The following PTPRD variants were observed in gnomAD, a reference collection of about 807,000 sequenced individuals.
PTPRD encodes the protein protein tyrosine phosphatase receptor type D, also known as receptor-type tyrosine-protein phosphatase delta.
Under a neutral mutation model 214.5 loss-of-function variants are expected in PTPRD, and 34 were observed. The ratio of observed to expected loss-of-function variants is 0.16; its 90% CI spans 0.12 to 0.21. The LOEUF is 0.21. PTPRD is among the 10% of genes least tolerant of loss of function. PTPRD has a pLI of 1.00. For missense variants in PTPRD, 2,545 were observed against 2,398.7 expected (o/e 1.06, Z -1.27); for synonymous variants, 1,128 against 845.7 (o/e 1.33, Z -5.79).
intron 2 of PTPRD, among the ~76,000 whole-genome samples, chr9:10,571,094 G>A (rs1016327637): frequency 9.2e-5 from 14 of 151,924 alleles, no homozygotes; most frequent in Admixed American, 2.0e-4. Flanking sequence ...TTTAAAATAT[G>A]AATGGCATTA....
In PTPRD at chr9:9,754,504, G is replaced by C. The variant is rs1041251238; in HGVS notation, c.-326+12306C>G. Among the ~76,000 whole-genome samples, 5 of 152,110 alleles carry C rather than the reference G, an allele frequency of 3.3e-5. No individual in the cohort carries two copies. The South Asian group carries it at 6.2e-4, about 19-fold the overall frequency. ...ATGGTGATAAATAATAGCAGTTCTTGACGGCTTCACAAGAATATTTGGCAA... is the reference window on the plus strand; with the variant it reads ...ATGGTGATAAATAATAGCAGTTCTTCACGGCTTCACAAGAATATTTGGCAA... On this transcript the variant is annotated intron_variant, in intron 6 of 45. Transcript: ENST00000381196.
intron 9 of PTPRD, among the ~76,000 whole-genome samples, chr9:9,239,216 A>G (rs1467048362): frequency 6.6e-6 from 1 of 151,844 alleles, no homozygotes; most frequent in Admixed American, 6.6e-5. Flanking sequence ...AAAAAACCAC[A>G]AGTATTCTGT....
rs370850872 is a variant in PTPRD, at chr9:8,951,882, G to C, written c.-104+66815C>G. 1.0e-3 allele frequency among the ~76,000 whole-genome samples: 153 copies of C among 152,076 alleles called. 1 individual carries two copies. The highest frequency in any genetic ancestry group is 3.4e-3 in the Middle Eastern group (1 of 294). On this transcript the variant is annotated intron_variant, in intron 11 of 45. Coordinates refer to ENST00000381196, the MANE Select transcript of PTPRD (RefSeq NM_002839.4). Reference sequence around the variant, plus strand: ...ATTTTCTCCTGCTCAAAATTCTCCAGTGCGTTTCTAAACCACACTTGAAAT... The same window carrying C: ...ATTTTCTCCTGCTCAAAATTCTCCACTGCGTTTCTAAACCACACTTGAAAT...
intron 8 of PTPRD, among the ~76,000 whole-genome samples, chr9:9,478,833 G>C (rs543946226): frequency 6.6e-6 from 1 of 152,142 alleles, no homozygotes; most frequent in African/African-American, 2.4e-5. Flanking sequence ...TGCTCTGTTG[G>C]AGGTAGTTCA....
At chr9:8,920,962 C>T (rs1030833979) in intron 11 of PTPRD, among the ~76,000 whole-genome samples, 12 of 152,088 alleles carry the variant, frequency 7.9e-5, no homozygotes, top group African/African-American at 1.9e-4. Flanking sequence ...TACAGACGCA[C>T]GCCCCCACGC....
At chr9:8,558,199 C>A (rs1024903097) in intron 14 of PTPRD, among the ~76,000 whole-genome samples, 5 of 152,182 alleles carry the variant, frequency 3.3e-5, no homozygotes, top group African/African-American at 9.7e-5. Flanking sequence ...TCAAGGATTT[C>A]CTCCAGGATC....
At chr9:8,737,024 T>TATC (rs1354171531) in intron 11 of PTPRD, among the ~76,000 whole-genome samples, 1 of 152,178 alleles carries the variant, frequency 6.6e-6, no homozygotes, top group Non-Finnish European at 1.5e-5. Flanking sequence ...TGTGCAAGCG[T>TATC]ATCAGAGCCA....
At chr9:8,786,633 T>C (rs2095988228) in intron 11 of PTPRD, among the ~76,000 whole-genome samples, 1 of 151,490 alleles carries the variant, frequency 6.6e-6, no homozygotes, top group Non-Finnish European at 1.5e-5. Context: ...GAGGCTGGTC[T>C]GGAACTCCTA....
At chr9:9,892,011 A>G (rs148191942) in intron 5 of PTPRD, among the ~76,000 whole-genome samples, 10 of 152,254 alleles carry the variant, frequency 6.6e-5, no homozygotes, top group African/African-American at 2.2e-4. Context: ...TTTATCAGAT[A>G]AAATAAGTTG....
At chr9:9,309,279 T>C (rs1958140885) in intron 9 of PTPRD, among the ~76,000 whole-genome samples, 1 of 151,862 alleles carries the variant, frequency 6.6e-6, no homozygotes. Context: ...AATACTCCAG[T>C]TTCCTAAAAG....
chr9:9,989,051 G>T (rs1345625502), intron 4 of PTPRD, among the ~76,000 whole-genome samples: 1 of 104,474 alleles, frequency 9.6e-6, no homozygotes, highest in African/African-American at 4.7e-5. Context: ...AAAAACCACA[G>T]ACTTTACACA....
chr9:10,558,691 T>C (rs1452841805), intron 2 of PTPRD, among the ~76,000 whole-genome samples: 4 of 152,218 alleles, frequency 2.6e-5, no homozygotes, highest in African/African-American at 9.6e-5. Flanking sequence ...TTTTTTATTT[T>C]TGTATTGCAA....
At chr9:9,779,173 G>A (rs1002846989) in intron 5 of PTPRD, among the ~76,000 whole-genome samples, 1 of 147,360 alleles carries the variant, frequency 6.8e-6, no homozygotes, top group African/African-American at 2.5e-5. Flanking sequence ...TGAAATTAGG[G>A]TCTCACCTTT....
chr9:9,039,048 T>G (rs2099631220), intron 10 of PTPRD, among the ~76,000 whole-genome samples: 1 of 152,132 alleles, frequency 6.6e-6, no homozygotes, highest in African/African-American at 2.4e-5. Context: ...AAAACAAGGT[T>G]GTGTTTTCAG....
At chr9:8,753,285 A>T (rs10758991) in intron 11 of PTPRD, among the ~76,000 whole-genome samples, 95,335 of 152,044 alleles carry the variant, frequency 0.63, 30,645 homozygotes, top group Middle Eastern at 0.73. Flanking sequence ...CTTTCTGGTG[A>T]TATAATGGAA....
At chr9:8,857,091 T>C (rs142714653) in intron 11 of PTPRD, among the ~76,000 whole-genome samples, 3 of 152,220 alleles carry the variant, frequency 2.0e-5, no homozygotes, top group Non-Finnish European at 4.4e-5. Flanking sequence ...GCTTTGATTC[T>C]GCCACGGGAA....
intron 10 of PTPRD, among the ~76,000 whole-genome samples, chr9:9,116,610 C>A (rs1591878923): frequency 2.0e-5 from 3 of 152,186 alleles, no homozygotes; most frequent in East Asian, 1.9e-4. Context: ...ATCCCTAAAG[C>A]TGTTGAATTT....
intron 2 of PTPRD, among the ~76,000 whole-genome samples, chr9:10,488,215 A>C (rs896739076): frequency 7.9e-5 from 12 of 151,860 alleles, no homozygotes; most frequent in Non-Finnish European, 1.6e-4. Context: ...AAAATACAAA[A>C]AATTAGCTGG....
chr9:9,181,727 G>T (rs2099928349), intron 10 of PTPRD, among the ~76,000 whole-genome samples: 3 of 151,930 alleles, frequency 2.0e-5, no homozygotes, highest in Admixed American at 2.0e-4. Flanking sequence ...TATGAAATTT[G>T]CTCCTTATAA....
Sources: gnomAD v4.1 joint callset for allele counts (sites outside exome capture counted in the v4.1 genomes callset) on GRCh38, gnomAD v4.1.1 for gene constraint, MANE v1.5 for transcripts, NCBI Gene and HGNC (gene_info 2026-07-23, HGNC 2026-07-21) for gene names.